The following PARD3 variants were observed in gnomAD, a reference collection of about 807,000 sequenced individuals.
The protein encoded by PARD3 is partitioning defective 3 homolog.
A neutral mutation model predicts 155.4 loss-of-function variants in PARD3; 75 were observed. The ratio of observed to expected loss-of-function variants is 0.48; its 90% CI spans 0.40 to 0.58. The LOEUF (loss-of-function observed/expected upper bound fraction) is 0.58, where lower values mean the gene tolerates loss of function less well. Among genes scored for constraint, PARD3 ranks in the 20% least tolerant of loss-of-function variants. The pLI is 0.00. For synonymous variants in PARD3, 576 were observed against 610.5 expected (o/e 0.94, Z 0.83); for missense variants, 1,642 against 1,721.7 (o/e 0.95, Z 0.82).
intron 22 of PARD3, among the ~76,000 whole-genome samples, chr10:34,184,953 C>G (rs1299246237): frequency 1.3e-5 from 2 of 152,162 alleles, no homozygotes; most frequent in Admixed American, 1.3e-4. Flanking sequence ...CTGCTCACCC[C>G]AAGCTCTGTG....
rs761933464 is a variant in PARD3 at position 34,389,834 on chromosome 10, T to A, written c.891-5580A>T. 9.2e-5 allele frequency among the ~76,000 whole-genome samples: 14 copies of A among 152,196 alleles called. No individual in the cohort carries two copies. The East Asian group carries it at 2.7e-3, about 29-fold the overall frequency. On this transcript the variant is annotated intron_variant, in intron 7 of 24. Transcript: ENST00000374788. ...AAGTTAAAACTTTAAATCTTAATTT[T>A]TTTTTTAGAAAAACTTCAATGAATG...
chr10:34,752,857 C>G (rs900886952), intron 1 of PARD3, among the ~76,000 whole-genome samples: 3 of 152,140 alleles, frequency 2.0e-5, no homozygotes, highest in African/African-American at 7.2e-5. Context: ...GGGCTGTGTG[C>G]GAATACCTCA....
At chr10:34,234,102 C>T (rs1002314637) in intron 22 of PARD3, among the ~76,000 whole-genome samples, 7 of 144,848 alleles carry the variant, frequency 4.8e-5, no homozygotes, top group African/African-American at 1.7e-4. Context: ...GATAAAACTA[C>T]TTTGGCTGAT....
chr10:34,742,839 A>G (rs551904380), intron 1 of PARD3, among the ~76,000 whole-genome samples: 104 of 152,236 alleles, frequency 6.8e-4, no homozygotes, highest in Non-Finnish European at 1.1e-3. Flanking sequence ...TGAAGAATCT[A>G]CAATCACCAA....
At chr10:34,797,520 T>C (rs955565769) in intron 1 of PARD3, among the ~76,000 whole-genome samples, 3 of 152,208 alleles carry the variant, frequency 2.0e-5, no homozygotes, top group African/African-American at 7.2e-5. Flanking sequence ...AACAGTCTTC[T>C]CTAATACTAC....
intron 1 of PARD3, among the ~76,000 whole-genome samples, chr10:34,800,737 G>C (rs1842771441): frequency 6.6e-6 from 1 of 152,106 alleles, no homozygotes; most frequent in Admixed American, 6.6e-5. Context: ...AAAGTGACAG[G>C]TTTCACTGTT....
intron 21 of PARD3, among the ~76,000 whole-genome samples, chr10:34,281,478 G>A (rs1956155083): frequency 6.6e-6 from 1 of 152,120 alleles, no homozygotes; most frequent in Non-Finnish European, 1.5e-5. Flanking sequence ...GCAGGGCAGG[G>A]CTAGTAGAGC....
At position 34,663,548 on chromosome 10, in the gene PARD3, C is replaced by T. The variant is rs539620190; in HGVS notation, c.222+32770G>A. Among the ~76,000 whole-genome samples the T allele has an allele frequency of 1.3e-4, 20 of 152,016 alleles. No homozygotes were observed. In the South Asian group the frequency reaches 3.5e-3, roughly 27 times the overall value. ...TGCCTGTACCGAAATATTTCTTATGCCCCATAAATATACACACCTAATACG... is the reference window on the plus strand; with the variant it reads ...TGCCTGTACCGAAATATTTCTTATGTCCCATAAATATACACACCTAATACG... On this transcript the variant is annotated intron_variant, in intron 2 of 24. Transcript: ENST00000374788.
chr10:34,191,524 C>T (rs1253348660), intron 22 of PARD3, among the ~76,000 whole-genome samples: 2 of 152,048 alleles, frequency 1.3e-5, no homozygotes, highest in African/African-American at 4.8e-5. Context: ...GAAACACCAA[C>T]TGTGACCCTT....
intron 18 of PARD3, among the ~76,000 whole-genome samples, chr10:34,331,610 A>C (rs868056409): frequency 2.2e-4 from 34 of 152,204 alleles, no homozygotes; most frequent in African/African-American, 8.0e-4. Flanking sequence ...CAACAGATGA[A>C]ATTGTTGTCA....
chr10:34,189,438 G>A (rs1043158672), intron 22 of PARD3, among the ~76,000 whole-genome samples: 3 of 152,226 alleles, frequency 2.0e-5, no homozygotes, highest in Non-Finnish European at 2.9e-5. Flanking sequence ...GGGCAAAACA[G>A]CTGGCAACTT....
intron 15 of PARD3, chr10:34,345,334 G>A (rs1051973302): frequency 3.0e-6 from 3 of 985,222 alleles, no homozygotes; most frequent in Non-Finnish European, 3.6e-6. Flanking sequence ...AAGCCTCAAA[G>A]CTCCGTTTAG....
chr10:34,158,504 C>T (rs1949121469), intron 22 of PARD3, among the ~76,000 whole-genome samples: 1 of 152,128 alleles, frequency 6.6e-6, no homozygotes. Flanking sequence ...CCATGGAGAT[C>T]TAAAGAAGCG....
chr10:34,491,188 G>C (rs2079878870), intron 3 of PARD3, among the ~76,000 whole-genome samples: 2 of 152,142 alleles, frequency 1.3e-5, no homozygotes, highest in South Asian at 2.1e-4. Context: ...CAGCTTCATG[G>C]AGTCAGTGGT....
intron 20 of PARD3, among the ~76,000 whole-genome samples, chr10:34,297,935 G>T (rs1357489778): frequency 1.3e-5 from 2 of 152,218 alleles, no homozygotes; most frequent in Admixed American, 6.5e-5. Flanking sequence ...GAAGATAAAA[G>T]ACAGTAGTTA....
chr10:34,641,494 AC>A (rs2092677357), intron 2 of PARD3, among the ~76,000 whole-genome samples: 1 of 152,176 alleles, frequency 6.6e-6, no homozygotes, highest in South Asian at 2.1e-4. Flanking sequence ...AGTGGTCTTT[AC>A]TGGAAGATTA....
chr10:34,515,169 G>A (rs1053726503), intron 3 of PARD3, among the ~76,000 whole-genome samples: 1 of 152,070 alleles, frequency 6.6e-6, no homozygotes, highest in Non-Finnish European at 1.5e-5. Context: ...ATCAACCAGG[G>A]TAACTAGTGT....
intron 4 of PARD3, among the ~76,000 whole-genome samples, chr10:34,462,570 C>T (rs1038786947): frequency 6.6e-6 from 1 of 152,042 alleles, no homozygotes; most frequent in Non-Finnish European, 1.5e-5. Flanking sequence ...CTGGTGCAGG[C>T]GCAGTGGCTC....
At chr10:34,486,687 G>A (rs1219426017) in intron 3 of PARD3, among the ~76,000 whole-genome samples, 1 of 152,174 alleles carries the variant, frequency 6.6e-6, no homozygotes, top group Non-Finnish European at 1.5e-5. Flanking sequence ...TAGGAATCTT[G>A]TTAAAGAGCT....
Sources: gnomAD v4.1 joint callset for allele counts (sites outside exome capture counted in the v4.1 genomes callset) on GRCh38, gnomAD v4.1.1 for gene constraint, MANE v1.5 for transcripts, NCBI Gene and HGNC (gene_info 2026-07-23, HGNC 2026-07-21) for gene names.